ENKUR: variants seen among roughly 807,000 people sequenced by gnomAD.
ENKUR encodes the protein enkurin, TRPC channel interacting protein.
Under a neutral mutation model 27.6 loss-of-function variants are expected in ENKUR, and 19 were observed. That is an observed-to-expected ratio of 0.69 (90% CI 0.48 to 1.01). The LOEUF is 1.01. ENKUR is among the 50% of genes least tolerant of loss of function. ENKUR has a pLI of 0.00. For synonymous variants in ENKUR, 117 were observed against 96.9 expected (o/e 1.21, Z -1.22); for missense variants, 312 against 310.5 (o/e 1.00, Z -0.04).
intron 3 of ENKUR, among the ~76,000 whole-genome samples, chr10:24,994,718 T>C (rs1057366485): frequency 6.6e-6 from 1 of 152,148 alleles, no homozygotes; most frequent in African/African-American, 2.4e-5. Flanking sequence ...TGTAAGCTTT[T>C]TTATTTTAAA....
intron 2 of ENKUR, among the ~76,000 whole-genome samples, chr10:25,022,160 C>T (rs1203985640): frequency 6.6e-6 from 1 of 152,094 alleles, no homozygotes; most frequent in Admixed American, 6.5e-5. Context: ...CTGCATTTTA[C>T]GTAACTAAAA....
intron 2 of ENKUR, among the ~76,000 whole-genome samples, chr10:25,052,474 A>G (rs1006501977): frequency 8.5e-5 from 13 of 152,326 alleles, no homozygotes; most frequent in Admixed American, 5.2e-4. Flanking sequence ...TACACTAATC[A>G]TGGATTTAAG....
rs117554829 is a variant in ENKUR, at chr10:25,002,762, C to T, written c.78-3216G>A. Among the ~76,000 whole-genome samples, 689 of 152,140 alleles carry T rather than the reference C, an allele frequency of 4.5e-3. 6 individuals are homozygous for T. Among genetic ancestry groups the T allele is most frequent in the Non-Finnish European group, 7.6e-3 (514 of 68,002 alleles). On this transcript the variant is annotated intron_variant, in intron 1 of 5. Coordinates refer to ENST00000331161, the MANE Select transcript of ENKUR (RefSeq NM_145010.4). ...TCCTTTTAGGAGCCTTGCCTCAATC[C>T]TGAACTTAAAGGCTGGGAATCAATT...
At chr10:24,988,987 C>T (rs529053657) in intron 4 of ENKUR, among the ~76,000 whole-genome samples, 6 of 151,876 alleles carry the variant, frequency 4.0e-5, no homozygotes, top group Admixed American at 3.3e-4. Context: ...GATTTGCTAT[C>T]ATCACATCAA....
At chr10:24,996,986 T>C (rs1362863623) in intron 2 of ENKUR, among the ~76,000 whole-genome samples, 1 of 152,120 alleles carries the variant, frequency 6.6e-6, no homozygotes, top group East Asian at 1.9e-4. Flanking sequence ...CAGACATACA[T>C]ATAAGGAAGA....
intron 2 of ENKUR, among the ~76,000 whole-genome samples, chr10:25,036,858 C>T (rs1762376750): frequency 6.6e-6 from 1 of 152,176 alleles, no homozygotes; most frequent in African/African-American, 2.4e-5. Context: ...GGACAATTGC[C>T]TGCTGGTCCT....
intron 3 of ENKUR, among the ~76,000 whole-genome samples, chr10:24,991,178 A>T (rs148773653): frequency 2.0e-5 from 3 of 152,144 alleles, no homozygotes; most frequent in East Asian, 3.9e-4. Context: ...CTCCTGGCTG[A>T]TACTTTACTC....
At chr10:25,010,327 G>A (rs1489690069) in intron 1 of ENKUR, among the ~76,000 whole-genome samples, 1 of 152,146 alleles carries the variant, frequency 6.6e-6, no homozygotes, top group Non-Finnish European at 1.5e-5. Context: ...ATGATTCCGG[G>A]CATCTGATGG....
intron 3 of ENKUR, among the ~76,000 whole-genome samples, chr10:24,991,823 C>T (rs912222146): frequency 6.6e-6 from 1 of 152,222 alleles, no homozygotes; most frequent in African/African-American, 2.4e-5. Context: ...ACACAAGCCA[C>T]CTATGGACAG....
At chr10:25,050,335 G>A (rs1261693164) in intron 2 of ENKUR, among the ~76,000 whole-genome samples, 1 of 152,180 alleles carries the variant, frequency 6.6e-6, no homozygotes, top group African/African-American at 2.4e-5. Context: ...ACGTAAGACT[G>A]GGTAATTTGT....
intron 2 of ENKUR, chr10:25,021,944 A>T (rs1176309149): frequency 6.6e-6 from 1 of 152,202 alleles, no homozygotes; most frequent in Non-Finnish European, 1.5e-5. Flanking sequence ...AAATCATTTA[A>T]ATGTTTAATT....
chr10:25,038,274 T>G (rs888543537), intron 2 of ENKUR, among the ~76,000 whole-genome samples: 1 of 152,194 alleles, frequency 6.6e-6, no homozygotes, highest in African/African-American at 2.4e-5. Flanking sequence ...GTCTGAAAGA[T>G]TTCCGTGAAA....
At chr10:25,001,515 T>C (rs1253465649) in intron 1 of ENKUR, among the ~76,000 whole-genome samples, 1 of 152,126 alleles carries the variant, frequency 6.6e-6, no homozygotes, top group Non-Finnish European at 1.5e-5. Flanking sequence ...TTTGACTGCT[T>C]GATATTGTTC....
chr10:25,004,681 T>C (rs1344383236), intron 1 of ENKUR, among the ~76,000 whole-genome samples: 1 of 152,192 alleles, frequency 6.6e-6, no homozygotes, highest in East Asian at 1.9e-4. Flanking sequence ...GTCAGATGCA[T>C]AGTTTGCAAA....
intron 3 of ENKUR, among the ~76,000 whole-genome samples, chr10:24,993,376 C>G (rs1024499734): frequency 6.6e-6 from 1 of 152,130 alleles, no homozygotes; most frequent in African/African-American, 2.4e-5. Context: ...TCACTACAAC[C>G]CTGTGATAAA....
upstream of ENKUR, among the ~76,000 whole-genome samples, chr10:25,019,989 A>G (rs2132746262): frequency 6.6e-6 from 1 of 152,296 alleles, no homozygotes; most frequent in East Asian, 1.9e-4. Flanking sequence ...GACGTTCTCA[A>G]AAAAGAAATG....
chr10:25,038,197 TC>T (rs1455006084), intron 2 of ENKUR, among the ~76,000 whole-genome samples: 1 of 152,234 alleles, frequency 6.6e-6, no homozygotes, highest in Non-Finnish European at 1.5e-5. Flanking sequence ...AATGATGGTT[TC>T]CTTTTAAAAG....
chr10:25,013,524 T>C (rs1312385286), intron 1 of ENKUR, among the ~76,000 whole-genome samples: 1 of 152,250 alleles, frequency 6.6e-6, no homozygotes, highest in Non-Finnish European at 1.5e-5. Flanking sequence ...GATGAAAATA[T>C]TGTGCCAAGA....
intron 2 of ENKUR, chr10:25,023,794 C>A: frequency 6.2e-7 from 1 of 1,614,084 alleles, no homozygotes; most frequent in Non-Finnish European, 8.5e-7. Context: ...ATTTAGAAGA[C>A]AGTATTATAA....
Sources: gnomAD v4.1 joint callset for allele counts (sites outside exome capture counted in the v4.1 genomes callset) on GRCh38, gnomAD v4.1.1 for gene constraint, MANE v1.5 for transcripts, NCBI Gene and HGNC (gene_info 2026-07-23, HGNC 2026-07-21) for gene names.